The following SFMBT2 variants were observed in gnomAD, a reference collection of about 807,000 sequenced individuals.
SFMBT2 encodes the protein Scm like with four mbt domains 2.
SFMBT2 carries 38 observed loss-of-function variants against 110.1 expected under a neutral mutation model. That is an observed-to-expected ratio of 0.35 (90% CI 0.27 to 0.45). The LOEUF (loss-of-function observed/expected upper bound fraction) is 0.45. Ranked by LOEUF, SFMBT2 falls within the 20% of genes least tolerant of loss-of-function variation. The pLI, the probability that SFMBT2 is intolerant of heterozygous loss-of-function variation, is 1.00. For synonymous variants in SFMBT2, 425 were observed against 425.4 expected (o/e 1.00, Z 0.01); for missense variants, 1,011 against 1,094.9 (o/e 0.92, Z 1.08).
At chr10:7,239,443 A>C (rs887060369) in intron 9 of SFMBT2, among the ~76,000 whole-genome samples, 2 of 152,226 alleles carry the variant, frequency 1.3e-5, no homozygotes, top group South Asian at 4.1e-4. Flanking sequence ...CATCTCTACA[A>C]TATGACTCTT....
chr10:7,368,238 A>G (rs532699477), intron 3 of SFMBT2: 2 of 666,912 alleles, frequency 3.0e-6, no homozygotes, highest in South Asian at 6.7e-5. Context: ...CCTGGTGTGT[A>G]TTCTACACTC....
chr10:7,219,259 A>G (rs2131644783), intron 11 of SFMBT2, among the ~76,000 whole-genome samples: 1 of 152,332 alleles, frequency 6.6e-6, no homozygotes, highest in Non-Finnish European at 1.5e-5. Flanking sequence ...CTGTGTCTAC[A>G]CTTTCGTGAA....
At chr10:7,334,979 G>A (rs115623099) in intron 4 of SFMBT2, among the ~76,000 whole-genome samples, 51 of 152,320 alleles carry the variant, frequency 3.3e-4, no homozygotes, top group African/African-American at 1.2e-3. Context: ...AGGAATTGAG[G>A]CGGGAGCATA....
intron 4 of SFMBT2, among the ~76,000 whole-genome samples, chr10:7,288,198 G>A (rs960337239): frequency 2.6e-5 from 4 of 152,056 alleles, no homozygotes; most frequent in South Asian, 2.1e-4. Context: ...CATCACTAAC[G>A]TGCCTCTCAG....
At position 7,307,393 on chromosome 10, in the gene SFMBT2, T is replaced by A. The variant is rs141586021; in HGVS notation, c.437-21439A>T. Among the ~76,000 whole-genome samples the A allele has an allele frequency of 2.3e-3, 344 of 152,248 alleles. 5 individuals are homozygous for A. In the East Asian group the frequency reaches 0.035, roughly 15 times the overall value. ...GTCCCAAGGAGAGCCAAAACACTCT[T>A]CAAGAACACCAACAAACTAGGGACC... On this transcript the variant is annotated intron_variant, in intron 4 of 20. Coordinates refer to ENST00000397167, the MANE Select transcript of SFMBT2 (RefSeq NM_001387889.1).
intron 9 of SFMBT2, among the ~76,000 whole-genome samples, chr10:7,228,718 T>TC (rs1839989825): frequency 7.6e-6 from 1 of 132,350 alleles, no homozygotes; most frequent in Admixed American, 7.7e-5. Flanking sequence ...TTTCTTTCTT[T>TC]CTTTCTTTCT....
intron 2 of SFMBT2, among the ~76,000 whole-genome samples, chr10:7,379,662 T>C (rs1286239930): frequency 6.3e-5 from 9 of 142,008 alleles, no homozygotes; most frequent in Admixed American, 5.7e-4. Flanking sequence ...TCTGAGCCAA[T>C]ATCTGAAAAA....
intron 1 of SFMBT2, among the ~76,000 whole-genome samples, chr10:7,383,124 T>C (rs902484586): frequency 1.3e-5 from 2 of 152,216 alleles, no homozygotes; most frequent in African/African-American, 4.8e-5. Flanking sequence ...ATAATGCACC[T>C]GTATCTATCA....
At position 7,347,217 on chromosome 10, in the gene SFMBT2, GT is replaced by G. The variant is rs1448916595; in HGVS notation, c.436+20431del. 4.6e-5 allele frequency among the ~76,000 whole-genome samples: 7 copies of G among 152,292 alleles called. No homozygotes were observed. The South Asian group carries it at 1.2e-3, about 27-fold the overall frequency. On this transcript the variant is annotated intron_variant, in intron 4 of 20. Coordinates refer to ENST00000397167, the MANE Select transcript of SFMBT2 (RefSeq NM_001387889.1). Reference sequence around the variant, plus strand: ...GCCTGGTGGAATCCCAGGAGACCGAGTTTTGCTAGTGGGAGGTGAGCTGCTG... The same window carrying G: ...GCCTGGTGGAATCCCAGGAGACCGAGTTTGCTAGTGGGAGGTGAGCTGCTG...
intron 9 of SFMBT2, among the ~76,000 whole-genome samples, chr10:7,242,731 A>G (rs970566524): frequency 2.6e-5 from 4 of 152,254 alleles, no homozygotes; most frequent in Admixed American, 2.6e-4. Context: ...TGGCGAGGCC[A>G]CCAGGCAAGA....
At chr10:7,224,072 T>G (rs1298130877) in intron 10 of SFMBT2, among the ~76,000 whole-genome samples, 1 of 152,226 alleles carries the variant, frequency 6.6e-6, no homozygotes, top group Non-Finnish European at 1.5e-5. Context: ...TCCCATTTCT[T>G]CTTTTCTATT....
Position 7,172,152 on chromosome 10 carries a change from C to T in SFMBT2, c.2158G>A (p.Glu720Lys), listed in dbSNP as rs1235655531. ...DFTAGSGEES[E>K]EEDADAMDDD... ...TCCATGGCGTCAGCGTCCTCCTCTTCACTTTCCTGGGAAGGAGGAAAAGGC... is the reference window on the plus strand; with the variant it reads ...TCCATGGCGTCAGCGTCCTCCTCTTTACTTTCCTGGGAAGGAGGAAAAGGC... Residue 720 changes from glutamate (E) to lysine (K), a missense_variant, in exon 19 of 21, where the codon GAA becomes AAA. Coordinates refer to ENST00000397167, the MANE Select transcript of SFMBT2 (RefSeq NM_001387889.1). The surrounding 1 kb of genome is among the most constrained non-coding windows in gnomAD (Gnocchi z 4.6). 1 of 1,549,302 alleles carries T rather than the reference C, an allele frequency of 6.5e-7. No homozygotes were observed. The highest frequency in any genetic ancestry group is 2.1e-5 in the Admixed American group (1 of 48,620).
intron 4 of SFMBT2, among the ~76,000 whole-genome samples, chr10:7,312,958 G>A (rs1376919432): frequency 6.6e-6 from 1 of 152,130 alleles, no homozygotes. Context: ...GGACTGTAAT[G>A]AGAGGATTGG....
chr10:7,223,181 A>T (rs1259696318), intron 10 of SFMBT2, among the ~76,000 whole-genome samples: 1 of 152,158 alleles, frequency 6.6e-6, no homozygotes, highest in Non-Finnish European at 1.5e-5. Flanking sequence ...ATGGTAAATG[A>T]ATATTTAACC....
At chr10:7,242,018 A>C (rs75049075) in intron 9 of SFMBT2, among the ~76,000 whole-genome samples, 1 of 152,192 alleles carries the variant, frequency 6.6e-6, no homozygotes, top group Non-Finnish European at 1.5e-5. Flanking sequence ...TCAATGACAC[A>C]GGACCCATTC....
intron 2 of SFMBT2, among the ~76,000 whole-genome samples, chr10:7,377,975 T>G (rs1588494531): frequency 4.4e-5 from 3 of 68,402 alleles, no homozygotes; most frequent in African/African-American, 1.1e-4. Flanking sequence ...GGGGGTTGTG[T>G]GTGTGGGGGG....
chr10:7,325,275 C>A (rs908386495), intron 4 of SFMBT2, among the ~76,000 whole-genome samples: 6 of 152,050 alleles, frequency 3.9e-5, no homozygotes, highest in Non-Finnish European at 7.4e-5. Flanking sequence ...CACCCAAGGC[C>A]CCACTTTCAA....
At chr10:7,373,122 C>A (rs1845104940) in intron 2 of SFMBT2, among the ~76,000 whole-genome samples, 1 of 152,136 alleles carries the variant, frequency 6.6e-6, no homozygotes, top group African/African-American at 2.4e-5. Flanking sequence ...GGGGCAGATC[C>A]CTCATGACTA....
chr10:7,348,839 C>T lies in SFMBT2; in HGVS notation c.436+18810G>A, dbSNP rs138668598. Among the ~76,000 whole-genome samples the T allele has an allele frequency of 4.9e-4, 75 of 152,304 alleles. No homozygotes were observed. The South Asian group carries it at 5.6e-3, about 11-fold the overall frequency. On this transcript the variant is annotated intron_variant, in intron 4 of 20. Transcript: ENST00000397167. ...AAGCTCTTTGGCACATTTCAGTTTC[C>T]GTGAATGGCAGGGAACCTGCCACGG...
Sources: allele counts gnomAD v4.1 joint callset (sites outside exome capture counted in the v4.1 genomes callset), GRCh38; gene constraint gnomAD v4.1.1; non-coding constraint Gnocchi (gnomAD v3.1); transcripts MANE v1.5; gene names NCBI Gene and HGNC (gene_info 2026-07-23, HGNC 2026-07-21).